VPS13B: variants seen among roughly 807,000 people sequenced by gnomAD.
VPS13B encodes vacuolar protein sorting 13 homolog B, also known as intermembrane lipid transfer protein VPS13B.
In VPS13B, 285 loss-of-function variants were observed where a neutral mutation model predicts 426.4. That is an observed-to-expected ratio of 0.67 (90% CI 0.61 to 0.74). The LOEUF (loss-of-function observed/expected upper bound fraction) is 0.74. VPS13B is among the 30% of genes least tolerant of loss of function. The pLI, the probability that VPS13B is intolerant of heterozygous loss-of-function variation, is 0.00. For synonymous variants in VPS13B, 1,676 were observed against 1,676.4 expected (o/e 1.00, Z 0.01); for missense variants, 4,537 against 4,782.6 (o/e 0.95, Z 1.51).
chr8:99,753,149 T>C (rs939074118), intron 39 of VPS13B, among the ~76,000 whole-genome samples: 4 of 152,228 alleles, frequency 2.6e-5, no homozygotes, highest in Admixed American at 2.0e-4. Flanking sequence ...TCACATGTAG[T>C]ATGCATTTTA....
chr8:99,206,272 G>T (rs564376352), intron 17 of VPS13B, among the ~76,000 whole-genome samples: 1 of 152,208 alleles, frequency 6.6e-6, no homozygotes, highest in Non-Finnish European at 1.5e-5. Context: ...TGCTAAAGGT[G>T]ATCAAATGGA....
Position 99,835,212 on chromosome 8 carries a change from A to G in VPS13B, c.9630A>G (p.Thr3210=). ...TCTCTTCCAGGGCTATAGTGCTGACATATCAAGAACACCTCGGAGTGACTT... is the reference window on the plus strand; with the variant it reads ...TCTCTTCCAGGGCTATAGTGCTGACGTATCAAGAACACCTCGGAGTGACTT... ...NGFCTRAIVL[T]YQEHLGVTYL... The change falls in exon 53 of 62, where the codon ACA becomes ACG. Residue 3210 remains threonine, a synonymous_variant. Transcript: ENST00000357162. The G allele has an allele frequency of 6.2e-7, 1 of 1,614,008 alleles. No individual in the cohort carries two copies. Among genetic ancestry groups the G allele is most frequent in the Non-Finnish European group, 8.5e-7 (1 of 1,179,964 alleles).
intron 7 of VPS13B, among the ~76,000 whole-genome samples, chr8:99,118,121 T>A (rs1323716302): frequency 6.6e-6 from 1 of 152,120 alleles, no homozygotes; most frequent in African/African-American, 2.4e-5. Flanking sequence ...AGAAGATACT[T>A]GATTTATTTT....
Position 99,038,408 on chromosome 8 carries a change from G to A in VPS13B, c.148-15G>A. The A allele has an allele frequency of 6.3e-7, 1 of 1,588,516 alleles. No homozygotes were observed. The stretch of plus-strand genomic sequence containing the variant: ...AAGCACTTACTAATTTTTATGTAAT[G>A]TTTTGTGTTTTAAGGAACTGAAATT... On this transcript the variant is annotated splice_polypyrimidine_tract_variant and intron_variant, in intron 2 of 61. Transcript: ENST00000357162.
At chr8:99,744,205 G>A (rs948325544) in intron 39 of VPS13B, among the ~76,000 whole-genome samples, 12 of 152,116 alleles carry the variant, frequency 7.9e-5, no homozygotes, top group East Asian at 5.8e-4. Flanking sequence ...GCAGCCAAAA[G>A]ACACATGAAA....
chr8:99,158,162 C>T (rs559717538), intron 15 of VPS13B, among the ~76,000 whole-genome samples: 112 of 152,304 alleles, frequency 7.4e-4, no homozygotes, highest in African/African-American at 2.4e-3. Context: ...TCAATGTAGA[C>T]GAAATAGCCT....
intron 33 of VPS13B, chr8:99,613,963 C>T (rs1163389552): frequency 6.6e-6 from 1 of 152,172 alleles, no homozygotes; most frequent in African/African-American, 2.4e-5. Flanking sequence ...TGATGCTGAA[C>T]TTAGTGTAGA....
At chr8:99,561,645 A>G (rs1403718826) in intron 31 of VPS13B, among the ~76,000 whole-genome samples, 3 of 152,336 alleles carry the variant, frequency 2.0e-5, no homozygotes, top group East Asian at 1.9e-4. Context: ...ACCAAGGCCA[A>G]TGTAAGTGTT....
chr8:99,289,031 C>CAA (rs1819585289), intron 19 of VPS13B, among the ~76,000 whole-genome samples: 2 of 61,588 alleles, frequency 3.2e-5, no homozygotes, highest in Non-Finnish European at 7.1e-5. Context: ...ACCCCTGCCT[C>CAA]TATGAATGAA....
chr8:99,217,060 G>A (rs1815430219), intron 17 of VPS13B, among the ~76,000 whole-genome samples: 1 of 151,782 alleles, frequency 6.6e-6, no homozygotes, highest in South Asian at 2.1e-4. Flanking sequence ...TGTGTTTTCT[G>A]TTTACTCTTT....
intron 19 of VPS13B, among the ~76,000 whole-genome samples, chr8:99,377,918 A>G (rs1055722606): frequency 8.5e-5 from 13 of 152,246 alleles, no homozygotes; most frequent in African/African-American, 3.1e-4. Context: ...GGGTGAAACT[A>G]GAATTACTAA....
chr8:99,748,160 A>G (rs151284480), intron 39 of VPS13B, among the ~76,000 whole-genome samples: 17 of 152,156 alleles, frequency 1.1e-4, no homozygotes, highest in African/African-American at 2.6e-4. Context: ...GAATTTAACT[A>G]AATTGTCTAA....
chr8:99,172,861 T>A (rs1812429010), intron 16 of VPS13B, among the ~76,000 whole-genome samples: 1 of 152,172 alleles, frequency 6.6e-6, no homozygotes, highest in Non-Finnish European at 1.5e-5. Context: ...TGTGTACTGC[T>A]TGAACATTTT....
intron 19 of VPS13B, among the ~76,000 whole-genome samples, chr8:99,335,894 G>T (rs1367048315): frequency 6.6e-6 from 1 of 152,204 alleles, no homozygotes; most frequent in East Asian, 1.9e-4. Context: ...GACATTCCAT[G>T]CTCATGGGTA....
intron 55 of VPS13B, among the ~76,000 whole-genome samples, chr8:99,851,080 A>G (rs565406861): frequency 6.6e-6 from 1 of 152,370 alleles, no homozygotes; most frequent in Non-Finnish European, 1.5e-5. Context: ...TTCATAAAAA[A>G]TTAATAGCAT....
chr8:99,744,594 G>T (rs1052294654), intron 39 of VPS13B, among the ~76,000 whole-genome samples: 7 of 152,114 alleles, frequency 4.6e-5, no homozygotes, highest in Admixed American at 3.9e-4. Flanking sequence ...TGATAGACTG[G>T]ATTAAGAAAA....
intron 12 of VPS13B, among the ~76,000 whole-genome samples, chr8:99,139,587 G>A (rs558762478): frequency 1.3e-5 from 2 of 151,772 alleles, no homozygotes; most frequent in African/African-American, 2.4e-5. Context: ...ACAGGCGCCC[G>A]CCACCACGCC....
chr8:99,415,333 T>G (rs2133368020), intron 21 of VPS13B, among the ~76,000 whole-genome samples: 1 of 152,168 alleles, frequency 6.6e-6, no homozygotes, highest in South Asian at 2.1e-4. Flanking sequence ...TTCCCGGTTC[T>G]TAGCTTCCTT....
In VPS13B at chr8:99,642,023, C is replaced by T. The variant is rs2133931744; in HGVS notation, c.5433C>T (p.Pro1811=). The change falls in exon 34 of 62, where the codon CCC becomes CCT. Residue 1811 remains proline, a synonymous_variant. Coordinates refer to ENST00000357162, the MANE Select transcript of VPS13B (RefSeq NM_152564.5). The part of the protein sequence containing the change: ...SSIVKNLNFI[P]FDIFITASRI... ...TTGTAAAAAATCTAAATTTTATTCC[C>T]TTTGACATATTTATTACTGCAAGTA... 1.2e-6 allele frequency: 2 copies of T among 1,614,084 alleles called. No individual in the cohort carries two copies. Among genetic ancestry groups the T allele is most frequent in the Non-Finnish European group, 1.7e-6 (2 of 1,180,000 alleles).
Sources: gnomAD v4.1 joint callset for allele counts (sites outside exome capture counted in the v4.1 genomes callset) on GRCh38, gnomAD v4.1.1 for gene constraint, MANE v1.5 for transcripts, NCBI Gene and HGNC (gene_info 2026-07-23, HGNC 2026-07-21) for gene names.